The following VWA5B1 variants were observed in gnomAD, a reference collection of about 807,000 sequenced individuals.
VWA5B1 encodes von Willebrand factor A domain containing 5B1.
Under a neutral mutation model 118.2 loss-of-function variants are expected in VWA5B1, and 115 were observed. The observed-to-expected ratio is 0.97, with a 90% CI of 0.84 to 1.14. The LOEUF (loss-of-function observed/expected upper bound fraction) is 1.14, where lower values mean the gene tolerates loss of function less well. Ranked by LOEUF, VWA5B1 falls within the 50% of genes most tolerant of loss-of-function variation. VWA5B1 has a pLI of 0.00. For synonymous variants in VWA5B1, 682 were observed against 658.4 expected, an observed-to-expected ratio of 1.04 and a Z score of -0.55; for missense variants, 1,596 against 1,603.8, an observed-to-expected ratio of 1.00 and a Z score of 0.08.
intron 2 of VWA5B1, among the ~76,000 whole-genome samples, chr1:20,311,704 C>T (rs1366570474): frequency 6.6e-6 from 1 of 152,150 alleles, no homozygotes; most frequent in Non-Finnish European, 1.5e-5. Context: ...TCATAACCAC[C>T]AAACTTCATG....
rs898787967 is a variant in VWA5B1 at position 20,343,230 on chromosome 1, A to G, written c.2463A>G (p.Gln821=). 4 of 1,549,334 alleles carry G rather than the reference A, an allele frequency of 2.6e-6. No individual in the cohort carries two copies. The African/African-American group carries it at 4.1e-5, about 16-fold the overall frequency. The change falls in exon 16 of 22, where the codon CAA becomes CAG. Residue 821 remains glutamine, a synonymous_variant. Coordinates refer to ENST00000289815, the MANE Select transcript of VWA5B1 (RefSeq NM_001039500.3). ...KALVKGLHDS[Q]RLQWEVSFEL... ...TGGTCAAAGGCCTGCACGACAGCCA[A>G]CGCCTGCAGTGGGAGGTGAGCTTCG...
At chr1:20,309,519 G>C (rs1305198868) in intron 1 of VWA5B1, among the ~76,000 whole-genome samples, 3 of 152,248 alleles carry the variant, frequency 2.0e-5, no homozygotes, top group African/African-American at 7.2e-5. Flanking sequence ...CACATGTCCG[G>C]AGTGGAAACT....
At chr1:20,313,009 G>T (rs931589590) in intron 3 of VWA5B1, 21 bp downstream of exon 3, 1 of 1,547,512 alleles carries the variant, frequency 6.5e-7, no homozygotes, top group Admixed American at 2.0e-5. Context: ...CAGAAGGGCT[G>T]CCGCGGGACC....
chr1:20,318,521 G>GA (rs2089098281), intron 5 of VWA5B1, 69 bp from the exon 6 acceptor site: 1 of 1,541,708 alleles, frequency 6.5e-7, no homozygotes, highest in African/African-American at 1.4e-5. Context: ...ATCTCGGTGT[G>GA]CCCCAGCGAA....
At chr1:20,297,307 G>A (rs1403054021) in intron 1 of VWA5B1, among the ~76,000 whole-genome samples, 2 of 152,234 alleles carry the variant, frequency 1.3e-5, no homozygotes, top group African/African-American at 2.4e-5. Context: ...AAAGTAGGCC[G>A]TGCCTCTAAC....
chr1:20,336,537 T>A, intron 13 of VWA5B1, 51 bp downstream of exon 13: 2 of 1,294,218 alleles, frequency 1.5e-6, no homozygotes, highest in Non-Finnish European at 2.0e-6. Flanking sequence ...ACTTACTATG[T>A]GCTAAGCACT....
chr1:20,353,768 GCTGGCCTCCGGAGC>G lies in VWA5B1; in HGVS notation c.3156_3169del (p.Ala1053ProfsTer8). On this transcript the variant is annotated frameshift_variant, in exon 22 of 22. Transcript: ENST00000289815. LOFTEE classifies it low-confidence loss of function (END_TRUNC). The stretch of plus-strand genomic sequence containing the variant: ...TCCCCCACACACAGGTGTCTCTGCA[GCTGGCCTCCGGAGC>G]CTTCCTGCTCAACGAAGCCTTCTGT... 6.9e-7 allele frequency: 1 copy of G among 1,458,666 alleles called. No homozygotes were observed. The highest frequency in any genetic ancestry group is 9.1e-7 in the Non-Finnish European group (1 of 1,102,906). The allele number at this position is 1,458,666 out of a possible 1,614,324, so 90.4% of individuals were successfully genotyped here.
intron 7 of VWA5B1, among the ~76,000 whole-genome samples, chr1:20,321,706 T>A (rs1340608888): frequency 2.0e-5 from 3 of 151,170 alleles, no homozygotes; most frequent in African/African-American, 7.3e-5. Context: ...TGTCTGAGGA[T>A]GAGACCTGGC....
At chr1:20,317,390 T>C (rs1027555594) in intron 4 of VWA5B1, 140 bp from the exon 5 acceptor site, 9 of 1,144,250 alleles carry the variant, frequency 7.9e-6, no homozygotes, top group South Asian at 1.7e-5. Context: ...TGGGGTCAGG[T>C]TGAGTGGGAG....
Position 20,350,181 on chromosome 1 carries a change from C to T in VWA5B1, c.2904C>T (p.Leu968=). 2.6e-6 allele frequency: 4 copies of T among 1,551,246 alleles called. No homozygotes were observed. The highest frequency in any genetic ancestry group is 3.5e-6 in the Non-Finnish European group (4 of 1,146,992). The change falls in exon 19 of 22, where the codon CTC becomes CTT. Residue 968 remains leucine (L), a synonymous_variant. Transcript: ENST00000289815. ...GNDMEASPTA[L]FSEARSPGRE... is the part of the protein sequence containing the mutation. ...ACATGGAGGCAAGTCCCACTGCTCT[C>T]TTCAGCGAGGCCAGGTCCCCCGGCC...
At chr1:20,291,404 C>T (rs115048475) in intron 1 of VWA5B1, among the ~76,000 whole-genome samples, 2,661 of 133,136 alleles carry the variant, frequency 0.02, 55 homozygotes, top group Non-Finnish European at 0.028. Context: ...TCCTCTATTT[C>T]TCTCCCTCCC....
At position 20,351,057 on chromosome 1, in the gene VWA5B1, G is replaced by A. The variant is rs374590793; in HGVS notation, c.3023+131G>A. The stretch of plus-strand genomic sequence containing the variant: ...CATTTAGGCAGGTGTCGTAAAGAAG[G>A]CACTCCTGCCCAGAGCAATCACTGT... On this transcript the variant is annotated intron_variant, in intron 20 of 21. Transcript: ENST00000289815. The A allele has an allele frequency of 1.2e-5, 10 of 829,814 alleles. No individual in the cohort carries two copies. In the African/African-American group the frequency reaches 1.5e-4, roughly 13 times the overall value. 51.4% of individuals were successfully genotyped at this position (829,814 alleles called of 1,614,324 possible).
At chr1:20,347,468 C>A (rs2090031021) in intron 17 of VWA5B1, among the ~76,000 whole-genome samples, 1 of 151,042 alleles carries the variant, frequency 6.6e-6, no homozygotes, top group Non-Finnish European at 1.5e-5. Flanking sequence ...TTGAGAGAGT[C>A]TTGCTCTGTT....
chr1:20,315,614 C>A (rs2088981935), intron 4 of VWA5B1, among the ~76,000 whole-genome samples: 2 of 152,160 alleles, frequency 1.3e-5, no homozygotes, highest in Admixed American at 1.3e-4. Context: ...AGGGTGCAAG[C>A]CATGGACATA....
chr1:20,338,381 G>T, intron 14 of VWA5B1: 2 of 293,412 alleles, frequency 6.8e-6, no homozygotes, highest in Non-Finnish European at 1.3e-5. Context: ...ACAGAGTCTC[G>T]CTCTGTTGCC....
At chr1:20,336,811 C>T (rs539761220) in intron 13 of VWA5B1, among the ~76,000 whole-genome samples, 2 of 152,302 alleles carry the variant, frequency 1.3e-5, no homozygotes, top group Non-Finnish European at 2.9e-5. Context: ...ATGACTCAGA[C>T]ATGTCCCCTG....
Position 20,319,508 on chromosome 1 carries a change from T to A in VWA5B1, c.966+2T>A. On this transcript the variant is annotated splice_donor_variant, in intron 7 of 21. Coordinates refer to ENST00000289815, the MANE Select transcript of VWA5B1 (RefSeq NM_001039500.3). LOFTEE classifies it high-confidence loss of function. ...AAGAAGAGCAGAGCAGAGCGGAAGG[T>A]GAGGGCAACTGAGGTGGGGAGCGGA... 6.4e-7 allele frequency: 1 copy of A among 1,551,390 alleles called. No homozygotes were observed. Among genetic ancestry groups the A allele is most frequent in the Non-Finnish European group, 8.7e-7 (1 of 1,146,966 alleles).
chr1:20,295,702 G>C (rs1231205277), intron 1 of VWA5B1, among the ~76,000 whole-genome samples: 2 of 152,208 alleles, frequency 1.3e-5, no homozygotes, highest in African/African-American at 4.8e-5. Context: ...CAGGCAGCTG[G>C]AGTGATGGTC....
chr1:20,314,606 G>A lies in VWA5B1; in HGVS notation c.563+14G>A. On this transcript the variant is annotated intron_variant, in intron 4 of 21. Transcript: ENST00000289815. ...ACAGGCCCAGGGGTAAGGAAGCCCT[G>A]CCCAGACCAATCAGAGTCCCAGGTG... 1.9e-6 allele frequency: 3 copies of A among 1,548,138 alleles called. No individual in the cohort carries two copies. Among genetic ancestry groups the A allele is most frequent in the Non-Finnish European group, 2.6e-6 (3 of 1,144,600 alleles).
Sources: gnomAD v4.1 joint callset for allele counts (sites outside exome capture counted in the v4.1 genomes callset) on GRCh38, gnomAD v4.1.1 for gene constraint, MANE v1.5 for transcripts, NCBI Gene and HGNC (gene_info 2026-07-23, HGNC 2026-07-21) for gene names.